The following DDB2 variants were observed in gnomAD, a reference collection of about 807,000 sequenced individuals.
DDB2 encodes the protein DNA damage-binding protein 2.
In DDB2, 27 loss-of-function variants were observed where a neutral mutation model predicts 50.5. The ratio of observed to expected loss-of-function variants is 0.53; its 90% confidence interval spans 0.39 to 0.74. DDB2 has a LOEUF of 0.74. Among genes scored for constraint, DDB2 ranks in the 30% least tolerant of loss-of-function variants. The pLI, the probability that DDB2 is intolerant of heterozygous loss-of-function variation, is 0.00. For synonymous variants in DDB2, 176 were observed against 205.5 expected (o/e 0.86, Z 1.23); for missense variants, 424 against 545.6 (o/e 0.78, Z 2.22).
chr11:47,238,080 C>A, intron 8 of DDB2, 58 bp from the exon 9 acceptor site: 1 of 1,610,960 alleles, frequency 6.2e-7, no homozygotes, highest in Non-Finnish European at 8.5e-7. Flanking sequence ...GACCAGAAAT[C>A]AGGTGTCTCT....
At chr11:47,228,138 C>CAAAAAAAAAAAAAAAAAAAAA (rs35908583) in intron 3 of DDB2, among the ~76,000 whole-genome samples, 1 of 57,464 alleles carries the variant, frequency 1.7e-5, no homozygotes. Flanking sequence ...GGCTCTGTCT[C>CAAAAAAAAAAAAAAAAAAAAA]AAAAAAAAAA....
chr11:47,226,463 G>A (rs1428021914), intron 3 of DDB2, among the ~76,000 whole-genome samples: 2 of 151,758 alleles, frequency 1.3e-5, no homozygotes, highest in Non-Finnish European at 2.9e-5. Flanking sequence ...CAGTAGAGAC[G>A]GGTTTTGCCA....
At chr11:47,218,899 A>G (rs1164134711) in intron 3 of DDB2, among the ~76,000 whole-genome samples, 2 of 152,232 alleles carry the variant, frequency 1.3e-5, no homozygotes, top group African/African-American at 4.8e-5. Context: ...AGTTTTAAAA[A>G]AAATTGTAAA....
intron 1 of DDB2, chr11:47,216,031 G>A: frequency 2.1e-6 from 1 of 467,766 alleles, no homozygotes; most frequent in Non-Finnish European, 3.9e-6. Flanking sequence ...CCCAAACTGG[G>A]AAGAGTTCTG....
At chr11:47,217,585 ACCCATAGAATTGAAGC>A (rs1251486040) in intron 3 of DDB2, among the ~76,000 whole-genome samples, 1 of 152,002 alleles carries the variant, frequency 6.6e-6, no homozygotes, top group Non-Finnish European at 1.5e-5. Flanking sequence ...ACTATTGATC[ACCCATAGAATTGAAGC>A]CCCTTCTGGG....
In DDB2 at chr11:47,232,817, G is replaced by A; in HGVS notation, c.460G>A (p.Gly154Arg). 1 of 1,613,530 alleles carries A rather than the reference G, an allele frequency of 6.2e-7. No homozygotes were observed. The highest frequency in any genetic ancestry group is 8.5e-7 in the Non-Finnish European group (1 of 1,180,004). The change falls in exon 4 of 10, where the codon GGA becomes AGA. Residue 154 changes from glycine (G) to arginine (R), a missense_variant. By Grantham distance (125) the Gly-to-Arg change is moderately radical (BLOSUM62 -2). Coordinates refer to ENST00000256996, the MANE Select transcript of DDB2 (RefSeq NM_000107.3). ...KDKPTFIKGI[G>R]AGGSITGLKF... ...GCTTTTTCCTTCCTCGTGTTAGATT[G>A]GAGCTGGAGGGAGCATCACTGGGCT...
In DDB2 at chr11:47,228,977, A is replaced by ATATCTATCTATCTATCTATCTATC. The variant is rs59098720; in HGVS notation, c.457-3815_457-3792dup. ...ATCTCAAAAAAAAAAAAAAAAAGAA[A>ATATCTATCTATCTATCTATCTATC]TATCTATCTATCTATCTATCTATCT... On this transcript the variant is annotated intron_variant, in intron 3 of 9. Transcript: ENST00000256996. Among the ~76,000 whole-genome samples the ATATCTATCTATCTATCTATCTATC allele has an allele frequency of 2.6e-3, 324 of 124,676 alleles. 1 individual carries two copies. Among genetic ancestry groups the ATATCTATCTATCTATCTATCTATC allele is most frequent in the Middle Eastern group, 4.3e-3 (1 of 232 alleles). 81.8% of individuals were successfully genotyped at this position (124,676 alleles called of 152,430 possible).
chr11:47,230,884 G>A (rs1335022855), intron 3 of DDB2, among the ~76,000 whole-genome samples: 1 of 152,146 alleles, frequency 6.6e-6, no homozygotes, highest in Non-Finnish European at 1.5e-5. Flanking sequence ...ACTTTGGGAA[G>A]CCGAGGCAGG....
chr11:47,214,914 G>GC, upstream of DDB2: 2 of 613,842 alleles, frequency 3.3e-6, no homozygotes, highest in Non-Finnish European at 2.8e-6. Context: ...CCCTCCCCGC[G>GC]CCCCCGCCTT....
At chr11:47,231,267 G>A (rs1375108009) in intron 3 of DDB2, among the ~76,000 whole-genome samples, 1 of 152,058 alleles carries the variant, frequency 6.6e-6, no homozygotes, top group African/African-American at 2.4e-5. Flanking sequence ...TGGAAGAATA[G>A]GAAGGGGCAC....
chr11:47,235,464 G>A lies in DDB2; in HGVS notation c.1023+52G>A, dbSNP rs563249959. ...AGAAGGAGGCTGTGATCATGAGGCC[G>A]GAGCAGGTCTGCCCACAGTGGGGAA... On this transcript the variant is annotated intron_variant, in intron 7 of 9. Coordinates refer to ENST00000256996, the MANE Select transcript of DDB2 (RefSeq NM_000107.3). 70 of 1,580,746 alleles carry A rather than the reference G, an allele frequency of 4.4e-5. No homozygotes were observed. In the Middle Eastern group the frequency reaches 8.3e-4, roughly 19 times the overall value.
upstream of DDB2, chr11:47,214,941 T>G: frequency 1.4e-6 from 1 of 710,168 alleles, no homozygotes; most frequent in Non-Finnish European, 2.3e-6. Flanking sequence ...AGGGGCGGGG[T>G]CTCCGAGACG....
chr11:47,235,248 C>T (rs771793762), intron 6 of DDB2, 22 bp from the exon 7 acceptor site: 1 of 1,614,244 alleles, frequency 6.2e-7, no homozygotes, highest in Non-Finnish European at 8.5e-7. Flanking sequence ...TCCTTCAGCT[C>T]AGGGGCTTTT....
At chr11:47,219,990 C>T (rs974850670) in intron 3 of DDB2, among the ~76,000 whole-genome samples, 4 of 152,028 alleles carry the variant, frequency 2.6e-5, no homozygotes, top group African/African-American at 4.8e-5. Flanking sequence ...GGGGTTTCAC[C>T]GTGTTAGCCA....
chr11:47,227,177 G>C (rs1479959266), intron 3 of DDB2, among the ~76,000 whole-genome samples: 2 of 126,368 alleles, frequency 1.6e-5, no homozygotes, highest in African/African-American at 6.0e-5. Flanking sequence ...CTCAATCTCG[G>C]CTCACTGCAG....
chr11:47,225,610 C>A (rs897679945), intron 3 of DDB2, among the ~76,000 whole-genome samples: 97 of 150,682 alleles, frequency 6.4e-4, no homozygotes, highest in African/African-American at 2.0e-3. Context: ...AAAAAAAAAA[C>A]AAAAAACTGG....
upstream of DDB2, chr11:47,214,900 C>T: frequency 1.7e-6 from 1 of 584,590 alleles, no homozygotes; most frequent in East Asian, 3.1e-5. Context: ...CCCTTGGCAC[C>T]ACCCCCTCCC....
At chr11:47,221,627 T>G (rs1292965006) in intron 3 of DDB2, 1 of 152,288 alleles carries the variant, frequency 6.6e-6, no homozygotes, top group East Asian at 1.9e-4. Flanking sequence ...GTATTTTTAG[T>G]AGAGACGGGG....
Position 47,234,946 on chromosome 11 carries a change from C to T in DDB2, c.880+12C>T, listed in dbSNP as rs1953703338. The T allele has an allele frequency of 1.2e-6, 2 of 1,613,854 alleles. No individual in the cohort carries two copies. The highest frequency in any genetic ancestry group is 1.3e-5 in the African/African-American group (1 of 74,932). On this transcript the variant is annotated intron_variant, in intron 6 of 9. Transcript: ENST00000256996. ...TCCTGTCAACGCAGGTGTGATATCC[C>T]AGACCTCATCTCTCCTGCAGACCCT...
Sources: allele counts gnomAD v4.1 joint callset (sites outside exome capture counted in the v4.1 genomes callset), GRCh38; gene constraint gnomAD v4.1.1; transcripts MANE v1.5; gene names NCBI Gene and HGNC (gene_info 2026-07-23, HGNC 2026-07-21).